ZNF143: variants seen among roughly 807,000 people sequenced by gnomAD.
ZNF143 encodes the protein SPH-binding factor.
In ZNF143, 49 loss-of-function variants were observed where a neutral mutation model predicts 74.1. The observed-to-expected ratio is 0.66, with a 90% CI of 0.53 to 0.84. ZNF143 has a LOEUF of 0.84. Among genes scored for constraint, ZNF143 ranks in the 40% least tolerant of loss-of-function variants. The pLI is 0.00. For missense variants in ZNF143, 637 were observed against 793.4 expected (o/e 0.80, Z 2.37); for synonymous variants, 304 against 282.8 (o/e 1.07, Z -0.75).
rs895206582 is a variant in ZNF143, at chr11:9,494,690, A to G, written c.690A>G (p.Gln230=). The G allele has an allele frequency of 2.5e-6, 4 of 1,613,610 alleles. No individual in the cohort carries two copies. Among genetic ancestry groups the G allele is most frequent in the African/African-American group, 1.3e-5 (1 of 74,928 alleles). ...GHATRVTAKS[Q]QSGEKAFRCE... ...CTACAAGAGTAACTGCTAAATCTCA[A>G]CAGAGTGGAGAGAAGGCATTTCGAT... Residue 230 remains glutamine, a synonymous_variant, in exon 8 of 16, where the codon CAA becomes CAG. Coordinates refer to ENST00000396602, the MANE Select transcript of ZNF143 (RefSeq NM_003442.6).
intron 12 of ZNF143, among the ~76,000 whole-genome samples, chr11:9,511,324 T>G (rs1321008692): frequency 1.3e-5 from 2 of 151,548 alleles, no homozygotes; most frequent in Non-Finnish European, 2.9e-5. Context: ...TGAGACAGAG[T>G]CTTGCTCTGT....
At chr11:9,469,789 C>A (rs1211768365) in intron 1 of ZNF143, among the ~76,000 whole-genome samples, 2 of 152,188 alleles carry the variant, frequency 1.3e-5, no homozygotes, top group Non-Finnish European at 2.9e-5. Context: ...CTCAGGTGAT[C>A]CACCTGCTTT....
chr11:9,501,925 CTTTTTTTTTTTTTTTTTT>C (rs57169874), intron 11 of ZNF143, among the ~76,000 whole-genome samples: 1 of 37,440 alleles, frequency 2.7e-5, no homozygotes, highest in African/African-American at 1.1e-4. Flanking sequence ...TGGATATATT[CTTTTTTTTTTTTTTTTTT>C]TTTTTTTTTT....
intron 1 of ZNF143, among the ~76,000 whole-genome samples, chr11:9,466,231 T>C (rs1421561070): frequency 6.2e-5 from 9 of 146,154 alleles, no homozygotes; most frequent in Middle Eastern, 8.0e-3. Context: ...GATCCACCCA[T>C]CTCAGCCTCC....
intron 13 of ZNF143, among the ~76,000 whole-genome samples, chr11:9,515,452 G>A (rs12280301): frequency 0.05 from 7,646 of 151,428 alleles, 266 homozygotes; most frequent in South Asian, 0.076. Flanking sequence ...GATCGAGACC[G>A]GCTTGTCTAA....
intron 11 of ZNF143, among the ~76,000 whole-genome samples, chr11:9,508,381 T>C (rs1488479358): frequency 6.6e-6 from 1 of 152,050 alleles, no homozygotes; most frequent in Admixed American, 6.6e-5. Context: ...TCTCATTCCT[T>C]GAGATTAAGG....
At chr11:9,486,412 A>ATTATT (rs1491276045) in intron 7 of ZNF143, among the ~76,000 whole-genome samples, 439 of 19,276 alleles carry the variant, frequency 0.023, 12 homozygotes, top group Non-Finnish European at 0.034. Flanking sequence ...TTATATATAT[A>ATTATT]ATATATATTA....
intron 6 of ZNF143, among the ~76,000 whole-genome samples, chr11:9,478,857 G>A (rs1847125843): frequency 1.3e-5 from 2 of 151,932 alleles, no homozygotes; most frequent in Admixed American, 6.6e-5. Context: ...AAAGAGATCA[G>A]CATTTATCTT....
chr11:9,512,634 C>T (rs375063985), intron 13 of ZNF143, 38 bp downstream of exon 13: 3 of 1,607,874 alleles, frequency 1.9e-6, no homozygotes, highest in Non-Finnish European at 2.6e-6. Flanking sequence ...TTAAATCTTT[C>T]TGTGAACCTG....
At chr11:9,496,220 T>C in intron 8 of ZNF143, 83 bp from the exon 9 acceptor site, 1 of 1,186,720 alleles carries the variant, frequency 8.4e-7, no homozygotes, top group South Asian at 1.3e-5. Context: ...TTTAGCAGTG[T>C]GGGAAAAAGT....
chr11:9,500,401 T>C (rs1044291517), intron 10 of ZNF143, among the ~76,000 whole-genome samples: 1 of 152,086 alleles, frequency 6.6e-6, no homozygotes, highest in Non-Finnish European at 1.5e-5. Flanking sequence ...ACAGTTAATA[T>C]TAGGCATTAT....
rs1849196207 is a variant in ZNF143, at chr11:9,528,329, A to C, written c.*716A>C. 6.6e-6 allele frequency: 1 copy of C among 152,236 alleles called. No individual in the cohort carries two copies. Among genetic ancestry groups the C allele is most frequent in the Admixed American group, 6.5e-5 (1 of 15,280 alleles). The allele number at this position is 152,236 out of a possible 1,614,324, so 9.4% of individuals were successfully genotyped here. On this transcript the variant is annotated 3_prime_UTR_variant, in exon 16 of 16. Transcript: ENST00000396602. ...TTCAATTTTTATTACTGTTTTTTAA[A>C]AATAATGAATCATCAAAGTTTAACC...
At chr11:9,484,800 A>ATTTTTTTTTTTTTTTT (rs1381085964) in intron 7 of ZNF143, among the ~76,000 whole-genome samples, 1,287 of 66,920 alleles carry the variant, frequency 0.019, 285 homozygotes, top group African/African-American at 0.028. Context: ...CTGGCCAAAG[A>ATTTTTTTTTTTTTTTT]TTTTTTTTTT....
At chr11:9,516,842 T>A (rs1462794999) in intron 14 of ZNF143, among the ~76,000 whole-genome samples, 1 of 152,210 alleles carries the variant, frequency 6.6e-6, no homozygotes, top group Non-Finnish European at 1.5e-5. Context: ...TTTTGTGTAT[T>A]CTTCCAGTCA....
At position 9,512,440 on chromosome 11, in the gene ZNF143, T is replaced by C. The variant is rs1035901945; in HGVS notation, c.1376-8T>C. The C allele has an allele frequency of 3.1e-6, 5 of 1,609,874 alleles. No homozygotes were observed. The highest frequency in any genetic ancestry group is 4.2e-6 in the Non-Finnish European group (5 of 1,177,484). On this transcript the variant is annotated splice_region_variant and splice_polypyrimidine_tract_variant and intron_variant, in intron 12 of 15. Coordinates refer to ENST00000396602, the MANE Select transcript of ZNF143 (RefSeq NM_003442.6). ...TGGTCAAATAAATGATTCATTTGTT[T>C]TAAACAGGTCAAGGTGAAGATGTTC... is the stretch of plus-strand genomic sequence containing the variant.
intron 1 of ZNF143, among the ~76,000 whole-genome samples, chr11:9,468,504 C>G (rs1856378508): frequency 6.6e-6 from 1 of 152,218 alleles, no homozygotes; most frequent in African/African-American, 2.4e-5. Flanking sequence ...AACATTTCAC[C>G]TATCCAATAG....
Position 9,512,515 on chromosome 11 carries a change from T to C in ZNF143, c.1443T>C (p.Val481=), listed in dbSNP as rs752919275. ...TTACAGGTGTAGAAGGGGACGACGTTGTTTCTACACAAGTAGCCACAGTAA... is the reference window on the plus strand; with the variant it reads ...TTACAGGTGTAGAAGGGGACGACGTCGTTTCTACACAAGTAGCCACAGTAA... ...TYVTGVEGDD[V]VSTQVATVTQ... The change falls in exon 13 of 16, where the codon GTT becomes GTC. Residue 481 remains valine (V), a synonymous_variant. Transcript: ENST00000396602. 18 of 1,614,042 alleles carry C rather than the reference T, an allele frequency of 1.1e-5. No homozygotes were observed. Among genetic ancestry groups the C allele is most frequent in the Admixed American group, 1.7e-5 (1 of 60,000 alleles).
chr11:9,465,087 A>T (rs188858420), intron 1 of ZNF143, among the ~76,000 whole-genome samples: 31 of 152,360 alleles, frequency 2.0e-4, no homozygotes, highest in African/African-American at 7.2e-4. Flanking sequence ...ACAATGCTGT[A>T]AAAATTTTGT....
chr11:9,494,805 C>A, intron 8 of ZNF143, 40 bp downstream of exon 8: 1 of 1,551,236 alleles, frequency 6.4e-7, no homozygotes, highest in Non-Finnish European at 8.8e-7. Flanking sequence ...TATGAGAATA[C>A]CTAGGATATT....
Sources: gnomAD v4.1 joint callset for allele counts (sites outside exome capture counted in the v4.1 genomes callset) on GRCh38, gnomAD v4.1.1 for gene constraint, MANE v1.5 for transcripts, NCBI Gene and HGNC (gene_info 2026-07-23, HGNC 2026-07-21) for gene names.